GRIP2: variants seen among roughly 807,000 people sequenced by gnomAD.
GRIP2 encodes glutamate receptor interacting protein 2.
GRIP2 carries 58 observed loss-of-function variants against 108.3 expected under a neutral mutation model. That is an observed-to-expected ratio of 0.54 (90% confidence interval 0.43 to 0.67). The LOEUF (loss-of-function observed/expected upper bound fraction) is 0.67. Ranked by LOEUF, GRIP2 falls within the 30% of genes least tolerant of loss-of-function variation. GRIP2 has a pLI of 0.00. For synonymous variants in GRIP2, 586 were observed against 598.2 expected (o/e 0.98, Z 0.30); for missense variants, 1,278 against 1,430.6 (o/e 0.89, Z 1.72).
At position 14,490,847 on chromosome 3, in the gene GRIP2, GAAACCCCTC is replaced by G. The variant is rs1268379802; in HGVS notation, c.*2809_*2817del. 3 of 152,222 alleles carry G rather than the reference GAAACCCCTC, an allele frequency of 2.0e-5. No individual in the cohort carries two copies. Among genetic ancestry groups the G allele is most frequent in the Admixed American group, 2.0e-4 (3 of 15,284 alleles). 9.4% of individuals were successfully genotyped at this position (152,222 alleles called of 1,614,324 possible). A position where few individuals can be genotyped will look rare whatever the true frequency, so the allele number is the denominator to read the frequency against. ...TCATTGCAAATGTCGCCTCTTGAGA[GAAACCCCTC>G]CTAATATTGTGAGCTAAAGCCCCTC... On this transcript the variant is annotated 3_prime_UTR_variant, in exon 24 of 24. Transcript: ENST00000621039.
intron 21 of GRIP2, among the ~76,000 whole-genome samples, chr3:14,500,961 TG>T (rs1693749339): frequency 6.6e-6 from 1 of 152,224 alleles, no homozygotes; most frequent in South Asian, 2.1e-4. Flanking sequence ...TGCTTACACT[TG>T]TTAGAAAAAC....
the GRIP2 span, chr3:14,574,612 T>G: frequency 1.5e-6 from 1 of 682,682 alleles, no homozygotes. Flanking sequence ...TCATGGAGGA[T>G]ACCTTCCTGG....
the GRIP2 span, among the ~76,000 whole-genome samples, chr3:14,599,355 C>T: frequency 6.6e-6 from 1 of 152,192 alleles, no homozygotes; most frequent in African/African-American, 2.4e-5. Flanking sequence ...GGCCACACCA[C>T]AGGAAGAATC....
intron 21 of GRIP2, among the ~76,000 whole-genome samples, chr3:14,501,975 CAGA>C (rs1240354267): frequency 6.6e-6 from 1 of 151,796 alleles, no homozygotes; most frequent in African/African-American, 2.4e-5. Flanking sequence ...GATGGACGAT[CAGA>C]AGAAGTATAA....
chr3:14,522,820 C>T lies in GRIP2; in HGVS notation c.566+180G>A, dbSNP rs1281479873. ...GGAAGAAAGGGCTCGAGGTTTCCCT[C>T]ATTTGGGGTTACATCCCGGTTCCAT... On this transcript the variant is annotated intron_variant, in intron 6 of 23. Transcript: ENST00000621039. This position sits in a 1 kb window ranked among gnomAD's most constrained non-coding sequence, Gnocchi z 4.3. 3.3e-6 allele frequency: 2 copies of T among 602,224 alleles called. No individual in the cohort carries two copies. The highest frequency in any genetic ancestry group is 3.0e-5 in the East Asian group (1 of 33,210). 37.3% of individuals were successfully genotyped at this position (602,224 alleles called of 1,614,324 possible).
the GRIP2 span, among the ~76,000 whole-genome samples, chr3:14,561,448 C>T: frequency 6.6e-6 from 1 of 151,746 alleles, no homozygotes; most frequent in Admixed American, 6.5e-5. Context: ...AGAGGTTCCC[C>T]CTGTTGTCAA....
chr3:14,517,209 C>A lies in GRIP2; in HGVS notation c.1161G>T (p.Leu387Phe), dbSNP rs759163358. Residue 387 changes from leucine to phenylalanine, a missense_variant, in exon 11 of 24, where the codon TTG (leucine) becomes TTT (phenylalanine). Physicochemically the swap from Leu to Phe is conservative, Grantham distance 22. Coordinates refer to ENST00000621039, the MANE Select transcript of GRIP2 (RefSeq NM_001080423.4). ...TPAGQDQSRS[L>F]SSTPFSSPTL... ...TCGGCGAGGAAAAGGGAGTTGAAGA[C>A]AAGGCTGGGGAGATGAGAGCACAGC... is the stretch of plus-strand genomic sequence containing the variant. 3 of 1,585,696 alleles carry A rather than the reference C, an allele frequency of 1.9e-6. No homozygotes were observed. The highest frequency in any genetic ancestry group is 1.2e-5 in the South Asian group (1 of 86,236).
At chr3:14,517,734 A>G (rs182962790) in intron 10 of GRIP2, 38 bp downstream of exon 10, 2 of 1,606,396 alleles carry the variant, frequency 1.2e-6, no homozygotes, top group East Asian at 2.2e-5. Context: ...AGGAAAGGCT[A>G]CAAGACTGGC....
At chr3:14,523,737 G>A (rs368041196) in intron 4 of GRIP2, 39 bp from the exon 5 acceptor site, 68 of 1,362,308 alleles carry the variant, frequency 5.0e-5, no homozygotes, top group African/African-American at 2.3e-4. Context: ...TCCCTCAGTC[G>A]CATCTCCAGG....
chr3:14,513,506 C>G (rs1360577179), intron 13 of GRIP2, among the ~76,000 whole-genome samples, 159 bp downstream of exon 13: 1 of 152,234 alleles, frequency 6.6e-6, no homozygotes, highest in African/African-American at 2.4e-5. Flanking sequence ...CCTCCCGTGC[C>G]AAGGCTTCCC....
rs754111745 is a variant in GRIP2 at position 14,514,326 on chromosome 3, C to T, written c.1459G>A (p.Val487Met). The T allele has an allele frequency of 3.8e-6, 6 of 1,574,722 alleles. No individual in the cohort carries two copies. The highest frequency in any genetic ancestry group is 4.3e-6 in the Non-Finnish European group (5 of 1,161,802). ...ATETLSSPPL[V>M]CFIEPDSPAE... ...GGACTGTCAGGCTCGATGAAGCACA[C>T]GAGGGGTGGGGAGGACAGGGTCTCG... The change falls in exon 12 of 24, where the codon GTG becomes ATG. Residue 487 changes from valine (V) to methionine (M), a missense_variant. Val to Met is a conservative substitution (Grantham distance 21). Coordinates refer to ENST00000621039, the MANE Select transcript of GRIP2 (RefSeq NM_001080423.4).
At chr3:14,555,848 A>T (rs923962604) in intron 1 of GRIP2, 8 of 398,816 alleles carry the variant, frequency 2.0e-5, no homozygotes, top group Non-Finnish European at 3.1e-5. Context: ...ACAGGCAGGG[A>T]GCCTGGGAAG....
intron 21 of GRIP2, among the ~76,000 whole-genome samples, chr3:14,500,761 G>C (rs531740735): frequency 6.6e-6 from 1 of 152,044 alleles, no homozygotes; most frequent in African/African-American, 2.4e-5. Flanking sequence ...CTTAAAGGAT[G>C]AGCTCAGAAA....
chr3:14,552,559 A>G (rs925108671), intron 1 of GRIP2, among the ~76,000 whole-genome samples: 4 of 149,604 alleles, frequency 2.7e-5, no homozygotes, highest in African/African-American at 9.9e-5. Flanking sequence ...CCCACCCAAG[A>G]CTCCTTCCTC....
the GRIP2 span, chr3:14,574,667 C>A: frequency 1.6e-6 from 1 of 637,352 alleles, no homozygotes; most frequent in South Asian, 1.5e-5. Flanking sequence ...TCGTGTTTTC[C>A]GCCAGAAAGC....
chr3:14,514,840 T>C (rs1402273354), intron 11 of GRIP2, among the ~76,000 whole-genome samples: 1 of 152,256 alleles, frequency 6.6e-6, no homozygotes, highest in Non-Finnish European at 1.5e-5. Flanking sequence ...AAGAGGTTTA[T>C]TGAGATATAA....
chr3:14,505,709 G>C lies in GRIP2; in HGVS notation c.2479C>G (p.Pro827Ala), dbSNP rs1311067412. 1 of 1,592,596 alleles carries C rather than the reference G, an allele frequency of 6.3e-7. No individual in the cohort carries two copies. The highest frequency in any genetic ancestry group is 1.8e-5 in the Admixed American group (1 of 56,724). ...RPGWLRGSPP[P>A]TEPRRTSYTP... Reference sequence around the variant, plus strand: ...TAGCTCGTCCTCCGGGGCTCGGTGGGTGGGGGGCTGCCCCTCAGCCAGCCA... The same window carrying C: ...TAGCTCGTCCTCCGGGGCTCGGTGGCTGGGGGGCTGCCCCTCAGCCAGCCA... Residue 827 changes from proline to alanine, a missense_variant, in exon 20 of 24, where the codon CCC becomes GCC. Physicochemically the swap from Pro to Ala is conservative, Grantham distance 27. Coordinates refer to ENST00000621039, the MANE Select transcript of GRIP2 (RefSeq NM_001080423.4). The surrounding 1 kb of genome is among the most constrained non-coding windows in gnomAD (Gnocchi z 4.2).
the GRIP2 span, among the ~76,000 whole-genome samples, chr3:14,599,794 C>A: frequency 6.6e-6 from 1 of 151,426 alleles, no homozygotes; most frequent in Non-Finnish European, 1.5e-5. Flanking sequence ...CAAGTTACCC[C>A]CAATCCCTCA....
Position 14,505,257 on chromosome 3 carries a change from G to A in GRIP2, c.2573+358C>T, listed in dbSNP as rs1693885648. Among the ~76,000 whole-genome samples, 1 of 152,162 alleles carries A rather than the reference G, an allele frequency of 6.6e-6. No homozygotes were observed. Among genetic ancestry groups the A allele is most frequent in the Non-Finnish European group, 1.5e-5 (1 of 68,014 alleles). ...GCACAGCCCAGGGATGGTGCCGGTGGGCTGAGGGCCCTCGCAGGAGGCCAT... is the reference window on the plus strand; with the variant it reads ...GCACAGCCCAGGGATGGTGCCGGTGAGCTGAGGGCCCTCGCAGGAGGCCAT... On this transcript the variant is annotated intron_variant, in intron 20 of 23. Coordinates refer to ENST00000621039, the MANE Select transcript of GRIP2 (RefSeq NM_001080423.4). The surrounding 1 kb of genome is among the most constrained non-coding windows in gnomAD (Gnocchi z 4.2).
Sources: allele counts gnomAD v4.1 joint callset (sites outside exome capture counted in the v4.1 genomes callset), GRCh38; gene constraint gnomAD v4.1.1; non-coding constraint Gnocchi (gnomAD v3.1); transcripts MANE v1.5; gene names NCBI Gene and HGNC (gene_info 2026-07-23, HGNC 2026-07-21).